PCF11: variants seen among roughly 807,000 people sequenced by gnomAD.
PCF11 encodes the protein pre-mRNA cleavage complex 2 protein Pcf11.
PCF11 carries 19 observed loss-of-function variants against 166.1 expected under a neutral mutation model. The ratio of observed to expected loss-of-function variants is 0.11; its 90% CI spans 0.08 to 0.17. PCF11 has a LOEUF of 0.17. Ranked by LOEUF, PCF11 falls within the 10% of genes least tolerant of loss-of-function variation. The pLI, the probability that PCF11 is intolerant of heterozygous loss-of-function variation, is 1.00. For missense variants in PCF11, 1,565 were observed against 1,855.5 expected (o/e 0.84, Z 2.88); for synonymous variants, 663 against 644.1 (o/e 1.03, Z -0.44).
intron 8 of PCF11, chr11:83,171,200 C>G (rs565874645): frequency 2.5e-6 from 1 of 402,054 alleles, no homozygotes; most frequent in Non-Finnish European, 4.9e-6. Flanking sequence ...TTTAACATTC[C>G]CTTTGACATC....
At chr11:83,164,461 T>C (rs1860374732) in intron 4 of PCF11, 60 bp downstream of exon 4, 2 of 1,208,188 alleles carry the variant, frequency 1.7e-6, no homozygotes, top group African/African-American at 3.1e-5. Flanking sequence ...AGGGAAGTAA[T>C]GTTTATGTTT....
chr11:83,164,961 C>G (rs1241711293), intron 4 of PCF11, among the ~76,000 whole-genome samples: 1 of 152,194 alleles, frequency 6.6e-6, no homozygotes, highest in East Asian at 1.9e-4. Flanking sequence ...TTTGTTTAAT[C>G]ATTACATTAT....
In PCF11 at chr11:83,183,262, A is replaced by G. The variant is rs1861144855; in HGVS notation, c.4452+189A>G. On this transcript the variant is annotated intron_variant, in intron 15 of 15. Transcript: ENST00000298281. ...AGATTGACAGAATTGACATATATGA[A>G]TATCATTTTCTGTGATAACGCAAAC... Among the ~76,000 whole-genome samples, 5 of 152,292 alleles carry G rather than the reference A, an allele frequency of 3.3e-5. No individual in the cohort carries two copies. In the South Asian group the frequency reaches 1.0e-3, roughly 32 times the overall value.
At chr11:83,157,744 C>T in intron 1 of PCF11, 113 bp downstream of exon 1, 8 of 888,390 alleles carry the variant, frequency 9.0e-6, no homozygotes, top group South Asian at 3.1e-5. Flanking sequence ...TTCTCTCCAA[C>T]CCCCCCACCC....
chr11:83,173,787 T>A (rs1434323788), intron 9 of PCF11, among the ~76,000 whole-genome samples: 2 of 137,194 alleles, frequency 1.5e-5, no homozygotes, highest in African/African-American at 5.5e-5. Flanking sequence ...TGGAGTGCAG[T>A]GGCATGATCT....
chr11:83,179,152 A>G (rs1396553438), intron 11 of PCF11, among the ~76,000 whole-genome samples: 1 of 152,110 alleles, frequency 6.6e-6, no homozygotes, highest in Non-Finnish European at 1.5e-5. Context: ...GGCTTTTAAT[A>G]AAAGATGGCA....
exon 5 of PCF11, chr11:83,166,568 A>G (rs1311207533): frequency 2.9e-5 from 46 of 1,613,884 alleles, no homozygotes; most frequent in Non-Finnish European, 3.7e-5. Flanking sequence ...ATCCAAGGCG[A>G]ATGAAAAAGA....
In PCF11 at chr11:83,161,489, A is replaced by G. The variant is rs201439971; in HGVS notation, c.318+37A>G. ...TTTAGAAACATTTGCGTTTTTTTTT[A>G]AAAAATGTGTTCCTGATTAAATAAA... On this transcript the variant is annotated intron_variant, in intron 2 of 15. Transcript: ENST00000298281. 1.4e-5 allele frequency: 20 copies of G among 1,400,586 alleles called. No homozygotes were observed. The South Asian group carries it at 2.6e-4, about 18-fold the overall frequency. 86.8% of individuals were successfully genotyped at this position (1,400,586 alleles called of 1,614,324 possible).
exon 1 of PCF11, chr11:83,157,421 G>C (rs747849475): frequency 2.5e-6 from 4 of 1,602,394 alleles, no homozygotes; most frequent in Non-Finnish European, 2.5e-6. Flanking sequence ...AGCGGACCTC[G>C]GAGGGGGGCC....
rs1369166684 is a variant in PCF11 at position 83,164,204 on chromosome 11, T to C, written c.508-3T>C. 2.5e-6 allele frequency: 4 copies of C among 1,590,554 alleles called. No individual in the cohort carries two copies. Among genetic ancestry groups the C allele is most frequent in the South Asian group, 1.2e-5 (1 of 86,304 alleles). On this transcript the variant is annotated splice_region_variant and splice_polypyrimidine_tract_variant and intron_variant, in intron 3 of 15. Transcript: ENST00000298281. ...TTCTTAAACAAATTGTCTTTTCTTA[T>C]AGCCCGAGGAGCCTTCAACACCTGG... is the stretch of plus-strand genomic sequence containing the variant.
At chr11:83,164,974 G>A (rs1017131791) in intron 4 of PCF11, among the ~76,000 whole-genome samples, 23 of 152,112 alleles carry the variant, frequency 1.5e-4, no homozygotes, top group African/African-American at 5.6e-4. Context: ...TACATTATGT[G>A]GACTTAATAT....
chr11:83,168,409 T>C lies in PCF11; in HGVS notation c.2093-19T>C, dbSNP rs2135426720. The C allele has an allele frequency of 6.5e-7, 1 of 1,545,694 alleles. No homozygotes were observed. The highest frequency in any genetic ancestry group is 2.3e-5 in the East Asian group (1 of 44,192). On this transcript the variant is annotated intron_variant, in intron 7 of 15. Transcript: ENST00000298281. ...TTTAAGATAACTTTAGTGAAAATAATTTTTTTCCTTTTTAAAAGGTGTGCG... is the reference window on the plus strand; with the variant it reads ...TTTAAGATAACTTTAGTGAAAATAACTTTTTTCCTTTTTAAAAGGTGTGCG...
intron 11 of PCF11, chr11:83,180,790 AAG>A: frequency 2.8e-6 from 1 of 352,814 alleles, no homozygotes; most frequent in Admixed American, 4.2e-5. Flanking sequence ...GGCTATCAAT[AAG>A]AAGACAGGCT....
At chr11:83,161,153 A>G (rs1374412039) in intron 1 of PCF11, among the ~76,000 whole-genome samples, 174 bp from the exon 2 acceptor site, 3 of 152,172 alleles carry the variant, frequency 2.0e-5, no homozygotes, top group Admixed American at 6.5e-5. Flanking sequence ...GTGCTCAACT[A>G]AGGATTGTGA....
At chr11:83,165,920 C>T (rs1032078348) in exon 5 of PCF11, 2 of 1,607,788 alleles carry the variant, frequency 1.2e-6, no homozygotes, top group Non-Finnish European at 1.7e-6. Context: ...TAAATTCATC[C>T]AAGCAAGAAA....
rs1203476291 is a variant in PCF11 at position 83,167,028 on chromosome 11, CATT to C, written c.1818-96_1818-94del. 1 of 960,836 alleles carries C rather than the reference CATT, an allele frequency of 1.0e-6. No individual in the cohort carries two copies. The allele number at this position is 960,836 out of a possible 1,614,324, so 59.5% of individuals were successfully genotyped here. A position where few individuals can be genotyped will look rare whatever the true frequency, so the allele number is the denominator to read the frequency against. On this transcript the variant is annotated intron_variant, in intron 5 of 15. Coordinates refer to ENST00000298281, the Ensembl canonical transcript of PCF11. This position sits in a 1 kb window ranked among gnomAD's most constrained non-coding sequence, Gnocchi z 4.2. ...ATTACTTTTTGTGGTTACATATGCC[CATT>C]TTAACCATATCCTTTGAAAAGAATC...
intron 9 of PCF11, among the ~76,000 whole-genome samples, chr11:83,174,800 C>T (rs2135436926): frequency 6.6e-6 from 1 of 152,262 alleles, no homozygotes; most frequent in East Asian, 1.9e-4. Context: ...CTTGGCTGCC[C>T]TCAGACATCT....
intron 9 of PCF11, among the ~76,000 whole-genome samples, chr11:83,174,606 C>T (rs1860812033): frequency 6.6e-6 from 1 of 151,938 alleles, no homozygotes; most frequent in African/African-American, 2.4e-5. Flanking sequence ...ACCTCAGTTC[C>T]TTAGAAATAT....
chr11:83,183,030 T>A lies in PCF11; in HGVS notation c.4417-8T>A. 7.1e-7 allele frequency: 1 copy of A among 1,413,342 alleles called. No homozygotes were observed. The highest frequency in any genetic ancestry group is 9.8e-7 in the Non-Finnish European group (1 of 1,017,476). The allele number at this position is 1,413,342 out of a possible 1,614,324, so 87.6% of individuals were successfully genotyped here. A position where few individuals can be genotyped will look rare whatever the true frequency, so the allele number is the denominator to read the frequency against. ...CGCACATATTTACTTTTTTTCTTTTTGCTTCAGATTTATCATCCATCATGT... is the reference window on the plus strand; with the variant it reads ...CGCACATATTTACTTTTTTTCTTTTAGCTTCAGATTTATCATCCATCATGT... On this transcript the variant is annotated splice_region_variant and splice_polypyrimidine_tract_variant and intron_variant, in intron 14 of 15. Coordinates refer to ENST00000298281, the Ensembl canonical transcript of PCF11.
Sources: gnomAD v4.1 joint callset for allele counts (sites outside exome capture counted in the v4.1 genomes callset) on GRCh38, gnomAD v4.1.1 for gene constraint, Gnocchi (gnomAD v3.1) non-coding constraint, MANE v1.5 for transcripts, NCBI Gene and HGNC (gene_info 2026-07-23, HGNC 2026-07-21) for gene names.